Variants in KCTD15 observed in about 807,000 individuals in gnomAD.
The protein encoded by KCTD15 is potassium channel tetramerization domain containing 15.
In KCTD15, 11 loss-of-function variants were observed where a neutral mutation model predicts 27.2. The ratio of observed to expected loss-of-function variants is 0.41; its 90% CI spans 0.25 to 0.67. KCTD15 has a LOEUF of 0.67. Among genes scored for constraint, KCTD15 ranks in the 30% least tolerant of loss-of-function variants. The probability of loss-of-function intolerance (pLI) is 0.35; values close to 1 mark genes in which losing one functional copy is unlikely to be tolerated. For missense variants in KCTD15, 350 were observed against 409.3 expected (o/e 0.86, Z 1.25); for synonymous variants, 163 against 176.0 (o/e 0.93, Z 0.58).
intron 5 of KCTD15, among the ~76,000 whole-genome samples, chr19:33,809,114 T>C (rs1975803608): frequency 6.6e-6 from 1 of 151,742 alleles, no homozygotes; most frequent in Non-Finnish European, 1.5e-5. Context: ...CCATCTCTCT[T>C]AAAAATACAA....
Position 33,814,512 on chromosome 19 carries a change from A to C in KCTD15, c.*1564A>C, listed in dbSNP as rs144195445. 721 of 152,350 alleles carry C rather than the reference A, an allele frequency of 4.7e-3. 7 individuals carry two copies. Among genetic ancestry groups the C allele is most frequent in the Non-Finnish European group, 8.7e-3 (594 of 68,048 alleles). The allele number at this position is 152,350 out of a possible 1,614,324, so 9.4% of individuals were successfully genotyped here. On this transcript the variant is annotated 3_prime_UTR_variant, in exon 7 of 7. Transcript: ENST00000683859. ...AGATGGGAACTGGGAAAGAGACAGAAGGCGTCTGGGTGCTTTTGAACCCTG... is the reference window on the plus strand; with the variant it reads ...AGATGGGAACTGGGAAAGAGACAGACGGCGTCTGGGTGCTTTTGAACCCTG...
upstream of KCTD15, among the ~76,000 whole-genome samples, chr19:33,795,517 C>A (rs527642490): frequency 0.014 from 2,079 of 151,918 alleles, 63 homozygotes; most frequent in African/African-American, 0.048. Context: ...GGCGCCGTTC[C>A]GGCCCGTGCG....
upstream of KCTD15, among the ~76,000 whole-genome samples, chr19:33,795,519 G>GCCCGGGCGCACCCGC (rs1283905686): frequency 1.3e-5 from 2 of 151,952 alleles, no homozygotes; most frequent in African/African-American, 4.8e-5. Context: ...CGCCGTTCCG[G>GCCCGGGCGCACCCGC]CCCGTGCGCA....
chr19:33,811,949 C>T (rs1254393748), intron 6 of KCTD15: 5 of 1,523,918 alleles, frequency 3.3e-6, no homozygotes, highest in African/African-American at 2.8e-5. Context: ...TCCCTGCTGA[C>T]CTGGGAGTCG....
intron 4 of KCTD15, among the ~76,000 whole-genome samples, chr19:33,806,313 T>C (rs745597510): frequency 1.6e-4 from 25 of 152,166 alleles, no homozygotes; most frequent in Non-Finnish European, 3.4e-4. Flanking sequence ...CTGCATGATA[T>C]GTGTGTGTTG....
chr19:33,812,048 T>G, intron 6 of KCTD15: 1 of 1,395,052 alleles, frequency 7.2e-7, no homozygotes, highest in Non-Finnish European at 9.3e-7. Context: ...AGTGAGGGCC[T>G]ATTTTCCAAC....
chr19:33,807,121 C>G, intron 5 of KCTD15, 114 bp downstream of exon 5: 5 of 1,275,952 alleles, frequency 3.9e-6, no homozygotes, highest in Non-Finnish European at 5.4e-6. Flanking sequence ...AAAAGTTAAA[C>G]GATGAAGCCG....
At chr19:33,811,781 T>C in intron 6 of KCTD15, 1 of 1,603,668 alleles carries the variant, frequency 6.2e-7, no homozygotes, top group Non-Finnish European at 8.5e-7. Flanking sequence ...TTTTTTTTTT[T>C]TTCCAAAAGG....
At chr19:33,796,436 C>G (rs1599662865), upstream of KCTD15, 1 of 150,266 alleles carries the variant, frequency 6.7e-6, no homozygotes, top group Non-Finnish European at 1.5e-5. Flanking sequence ...CAGGCGCGGG[C>G]GCGCGGAGCT....
rs111490152 is a variant in KCTD15 at position 33,804,844 on chromosome 19, G to A, written c.243-2019G>A. ...TGGAGCTCTGAGATGAGTTGTATCT[G>A]GGTGGCTGCAGCTCTGGGTCCACAG... On this transcript the variant is annotated intron_variant, in intron 4 of 6. Coordinates refer to ENST00000683859, the MANE Select transcript of KCTD15 (RefSeq NM_001129994.2). Among the ~76,000 whole-genome samples, 23 of 152,286 alleles carry A rather than the reference G, an allele frequency of 1.5e-4. 2 individuals are homozygous for A. Among genetic ancestry groups the A allele is most frequent in the African/African-American group, 5.5e-4 (23 of 41,542 alleles).
intron 1 of KCTD15, among the ~76,000 whole-genome samples, chr19:33,797,710 G>A (rs899038103): frequency 3.3e-5 from 5 of 152,102 alleles, no homozygotes; most frequent in African/African-American, 1.2e-4. Context: ...GTCTTCCGGC[G>A]GCCCCCACCC....
Position 33,814,761 on chromosome 19 carries a change from G to C in KCTD15, c.*1813G>C, listed in dbSNP as rs928175530. ...TCACATAGGCCTCCAATTTCAATGA[G>C]ACCTTTTGCATTTTTTCTCAAAGCC... On this transcript the variant is annotated 3_prime_UTR_variant, in exon 7 of 7. Transcript: ENST00000683859. The C allele has an allele frequency of 6.6e-6, 1 of 152,124 alleles. No individual in the cohort carries two copies. The highest frequency in any genetic ancestry group is 1.5e-5 in the Non-Finnish European group (1 of 68,032). The allele number at this position is 152,124 out of a possible 1,614,324, so 9.4% of individuals were successfully genotyped here.
intron 5 of KCTD15, among the ~76,000 whole-genome samples, chr19:33,810,193 G>A (rs1975846432): frequency 6.6e-6 from 1 of 152,162 alleles, no homozygotes; most frequent in Non-Finnish European, 1.5e-5. Flanking sequence ...CCAGGGCATG[G>A]GGCCAGTATC....
chr19:33,801,219 T>A lies in KCTD15; in HGVS notation c.119T>A (p.Leu40Gln). 6.2e-7 allele frequency: 1 copy of A among 1,613,180 alleles called. No homozygotes were observed. Among genetic ancestry groups the A allele is most frequent in the South Asian group, 1.1e-5 (1 of 90,994 alleles). ...LSLTRSPVSP[L>Q]AAQGIPLPAQ... ...CTCACCCGGTCGCCTGTGTCTCCCC[T>A]GGCTGCCCAGGGCATCCCCCTGCCA... is the stretch of plus-strand genomic sequence containing the variant. The change falls in exon 4 of 7, where the codon CTG becomes CAG. Residue 40 changes from leucine to glutamine, a missense_variant. Coordinates refer to ENST00000683859, the MANE Select transcript of KCTD15 (RefSeq NM_001129994.2).
At chr19:33,807,782 A>C (rs967389989) in intron 5 of KCTD15, among the ~76,000 whole-genome samples, 9 of 152,142 alleles carry the variant, frequency 5.9e-5, no homozygotes, top group African/African-American at 2.2e-4. Context: ...AAAAAGAAAA[A>C]TGCAAAAATT....
rs765821805 is a variant in KCTD15 at position 33,811,565 on chromosome 19, C to T, written c.693+13C>T. On this transcript the variant is annotated intron_variant, in intron 6 of 6. Transcript: ENST00000683859. ...CAACTCGGTACAGGTGAGGGCTGCA[C>T]GCTGCCCCCTCCCCGCCGCACCCCC... is the stretch of plus-strand genomic sequence containing the variant. 5 of 1,583,866 alleles carry T rather than the reference C, an allele frequency of 3.2e-6. No homozygotes were observed. The highest frequency in any genetic ancestry group is 2.3e-5 in the South Asian group (2 of 86,998).
intron 4 of KCTD15, among the ~76,000 whole-genome samples, chr19:33,804,874 G>A (rs937724693): frequency 3.9e-5 from 6 of 152,144 alleles, no homozygotes; most frequent in East Asian, 1.9e-4. Context: ...CCACAGACTC[G>A]GGCTCACAGC....
Position 33,807,306 on chromosome 19 carries a change from G to A in KCTD15, c.387+299G>A, listed in dbSNP as rs562869080. On this transcript the variant is annotated intron_variant, in intron 5 of 6. Transcript: ENST00000683859. ...TAGAGGTTCATAAATCTGTTCCATC[G>A]GCTGGGTGCAGTGGTTCATGCCTGT... 3.9e-5 allele frequency among the ~76,000 whole-genome samples: 6 copies of A among 152,322 alleles called. No individual in the cohort carries two copies. The South Asian group carries it at 1.2e-3, about 32-fold the overall frequency.
chr19:33,814,121 A>G lies in KCTD15; in HGVS notation c.*1173A>G, dbSNP rs1044121364. ...CCCCAGCCATCACCATCCTGTGTAC[A>G]ATGGCTGTAGACTTGTATATGGCTC... is the stretch of plus-strand genomic sequence containing the variant. On this transcript the variant is annotated 3_prime_UTR_variant, in exon 7 of 7. Coordinates refer to ENST00000683859, the MANE Select transcript of KCTD15 (RefSeq NM_001129994.2). 5.9e-5 allele frequency: 9 copies of G among 152,644 alleles called. No homozygotes were observed. Among genetic ancestry groups the G allele is most frequent in the African/African-American group, 2.2e-4 (9 of 41,454 alleles). The allele number at this position is 152,644 out of a possible 1,614,324, so 9.5% of individuals were successfully genotyped here. A position where few individuals can be genotyped will look rare whatever the true frequency, so the allele number is the denominator to read the frequency against.
Sources: allele counts gnomAD v4.1 joint callset (sites outside exome capture counted in the v4.1 genomes callset), GRCh38; gene constraint gnomAD v4.1.1; transcripts MANE v1.5; gene names NCBI Gene and HGNC (gene_info 2026-07-23, HGNC 2026-07-21).